Variants in NFATC3 observed in about 807,000 individuals in gnomAD.
The protein encoded by NFATC3 is nuclear factor of activated T cells 3.
Under a neutral mutation model 98.6 loss-of-function variants are expected in NFATC3, and 46 were observed. The ratio of observed to expected loss-of-function variants is 0.47; its 90% confidence interval spans 0.37 to 0.60. The LOEUF (loss-of-function observed/expected upper bound fraction) is 0.60. NFATC3 is among the 20% of genes least tolerant of loss of function. NFATC3 has a pLI of 0.00. For missense variants in NFATC3, 1,256 were observed against 1,295.5 expected, an observed-to-expected ratio of 0.97 and a Z score of 0.47; for synonymous variants, 512 against 472.2, an observed-to-expected ratio of 1.08 and a Z score of -1.09.
At chr16:68,196,244 C>T (rs1487557971) in intron 9 of NFATC3, among the ~76,000 whole-genome samples, 6 of 151,548 alleles carry the variant, frequency 4.0e-5, no homozygotes, top group African/African-American at 1.5e-4. Flanking sequence ...CTCAGCCCCC[C>T]GAGTAGCTGG....
At chr16:68,132,737 A>G (rs2037179612) in intron 3 of NFATC3, among the ~76,000 whole-genome samples, 1 of 152,250 alleles carries the variant, frequency 6.6e-6, no homozygotes. Context: ...AACCTGGAGG[A>G]CATTATATTA....
intron 3 of NFATC3, among the ~76,000 whole-genome samples, chr16:68,134,960 A>G (rs991239198): frequency 2.0e-5 from 3 of 151,928 alleles, no homozygotes; most frequent in African/African-American, 7.2e-5. Context: ...TTCTTTTATT[A>G]TTAAATTGGA....
At chr16:68,102,401 A>AAG (rs2035419375) in intron 1 of NFATC3, among the ~76,000 whole-genome samples, 1 of 149,582 alleles carries the variant, frequency 6.7e-6, no homozygotes, top group Non-Finnish European at 1.5e-5. Flanking sequence ...AAAAAAAAAA[A>AAG]GTCTTCATTC....
At chr16:68,173,986 T>C (rs2039581923) in intron 5 of NFATC3, among the ~76,000 whole-genome samples, 1 of 147,834 alleles carries the variant, frequency 6.8e-6, no homozygotes, top group South Asian at 2.1e-4. Flanking sequence ...ATGTTGCTAT[T>C]AAAAAAAAAA....
intron 9 of NFATC3, among the ~76,000 whole-genome samples, chr16:68,194,224 A>G (rs987930921): frequency 6.6e-6 from 1 of 152,184 alleles, no homozygotes; most frequent in Non-Finnish European, 1.5e-5. Context: ...TCTCAGAAAC[A>G]GCAGGCCATG....
At chr16:68,129,922 C>T (rs964105308) in intron 3 of NFATC3, among the ~76,000 whole-genome samples, 1 of 152,036 alleles carries the variant, frequency 6.6e-6, no homozygotes, top group Non-Finnish European at 1.5e-5. Context: ...AAGTGATCCT[C>T]CTGCCTTGGC....
At chr16:68,183,188 T>A in intron 7 of NFATC3, 52 bp from the exon 8 acceptor site, 2 of 1,530,746 alleles carry the variant, frequency 1.3e-6, no homozygotes, top group Non-Finnish European at 1.7e-6. Context: ...GTTTAACAGG[T>A]GCATTTCATT....
intron 9 of NFATC3, among the ~76,000 whole-genome samples, chr16:68,204,964 A>G (rs1167763665): frequency 6.7e-6 from 1 of 149,826 alleles, no homozygotes; most frequent in Non-Finnish European, 1.5e-5. Flanking sequence ...GTGTTCAAAC[A>G]GCTTTTCTCT....
At chr16:68,193,931 G>C (rs74024161) in intron 9 of NFATC3, among the ~76,000 whole-genome samples, 1,961 of 152,138 alleles carry the variant, frequency 0.013, 41 homozygotes, top group African/African-American at 0.044. Context: ...GGTCCGGGGT[G>C]GGGGATGGGG....
chr16:68,176,267 C>T (rs1203323307), intron 6 of NFATC3, among the ~76,000 whole-genome samples: 1 of 152,138 alleles, frequency 6.6e-6, no homozygotes, highest in African/African-American at 2.4e-5. Flanking sequence ...TGAGCTACCG[C>T]ACCCGGCTGT....
Position 68,104,706 on chromosome 16 carries a change from C to T in NFATC3, c.104-17281C>T, listed in dbSNP as rs371437594. Among the ~76,000 whole-genome samples, 629 of 144,212 alleles carry T rather than the reference C, an allele frequency of 4.4e-3. 6 individuals carry two copies. Among genetic ancestry groups the T allele is most frequent in the African/African-American group, 0.015 (575 of 38,264 alleles). The allele number at this position is 144,212 out of a possible 152,430, so 94.6% of individuals were successfully genotyped here. ...TGGCTCTGTCGCCCAGGCTGGAGTG[C>T]AGTGGCGCGATCTCTGCTCACTGCA... On this transcript the variant is annotated intron_variant, in intron 1 of 9. Transcript: ENST00000346183.
intron 1 of NFATC3, among the ~76,000 whole-genome samples, chr16:68,103,540 A>T (rs575509269): frequency 6.6e-6 from 1 of 152,336 alleles, no homozygotes; most frequent in Non-Finnish European, 1.5e-5. Context: ...TTTGGTGCAC[A>T]AAAGTTTTTA....
chr16:68,140,988 C>G (rs2037722333), intron 3 of NFATC3, among the ~76,000 whole-genome samples: 1 of 152,174 alleles, frequency 6.6e-6, no homozygotes, highest in Non-Finnish European at 1.5e-5. Flanking sequence ...CATTATACCA[C>G]TCTTTATGCC....
Position 68,122,279 on chromosome 16 carries a change from G to A in NFATC3, c.396G>A (p.Gln132=). ...QELDAHEDDL[Q]INDPEREFLE... ...TAGATGCACATGAAGATGACCTACA[G>A]ATAAATGACCCAGAACGGGAATTTT... is the stretch of plus-strand genomic sequence containing the variant. The change falls in exon 2 of 10, where the codon CAG becomes CAA. Residue 132 remains glutamine, a synonymous_variant. Coordinates refer to ENST00000346183, the MANE Select transcript of NFATC3 (RefSeq NM_173165.3). 4 of 1,614,094 alleles carry A rather than the reference G, an allele frequency of 2.5e-6. No homozygotes were observed. Among genetic ancestry groups the A allele is most frequent in the Non-Finnish European group, 8.5e-7 (1 of 1,180,020 alleles).
At chr16:68,204,991 C>G (rs1298006804) in intron 9 of NFATC3, among the ~76,000 whole-genome samples, 1 of 147,402 alleles carries the variant, frequency 6.8e-6, no homozygotes, top group Non-Finnish European at 1.5e-5. Context: ...AGATGCCTGG[C>G]TCTTTTTTTT....
intron 3 of NFATC3, among the ~76,000 whole-genome samples, chr16:68,151,852 G>A (rs1015678549): frequency 1.3e-5 from 2 of 149,798 alleles, no homozygotes; most frequent in Non-Finnish European, 3.0e-5. Flanking sequence ...GTGGATCACC[G>A]GAGGCCAGAA....
chr16:68,085,810 T>C, intron 1 of NFATC3, 26 bp downstream of exon 1: 4 of 1,399,312 alleles, frequency 2.9e-6, no homozygotes, highest in Non-Finnish European at 3.7e-6. Flanking sequence ...GGCGGGACCG[T>C]GGAGCGACCC....
intron 9 of NFATC3, among the ~76,000 whole-genome samples, chr16:68,207,840 A>C (rs2041213229): frequency 6.6e-6 from 1 of 152,098 alleles, no homozygotes; most frequent in South Asian, 2.1e-4. Context: ...ACAATGTATA[A>C]GGCTTTCAGT....
chr16:68,177,514 T>C (rs1278612296), intron 6 of NFATC3, among the ~76,000 whole-genome samples: 2 of 152,188 alleles, frequency 1.3e-5, no homozygotes, highest in East Asian at 1.9e-4. Flanking sequence ...TACCAGTCTT[T>C]CCATAGTTCT....
Sources: allele counts gnomAD v4.1 joint callset (sites outside exome capture counted in the v4.1 genomes callset), GRCh38; gene constraint gnomAD v4.1.1; transcripts MANE v1.5; gene names NCBI Gene and HGNC (gene_info 2026-07-23, HGNC 2026-07-21).